Variants in ZNF385B observed in about 807,000 individuals in gnomAD.
The protein encoded by ZNF385B is zinc finger protein 385B.
ZNF385B carries 23 observed loss-of-function variants against 39.2 expected under a neutral mutation model. The ratio of observed to expected loss-of-function variants is 0.59; its 90% CI spans 0.42 to 0.83. The LOEUF (loss-of-function observed/expected upper bound fraction) is 0.83, where lower values mean the gene tolerates loss of function less well. Ranked by LOEUF, ZNF385B falls within the 40% of genes least tolerant of loss-of-function variation. The pLI is 0.00. For synonymous variants in ZNF385B, 205 were observed against 222.6 expected, an observed-to-expected ratio of 0.92 and a Z score of 0.70; for missense variants, 552 against 598.9, an observed-to-expected ratio of 0.92 and a Z score of 0.82.
chr2:179,502,381 A>T (rs1307811967), intron 5 of ZNF385B, among the ~76,000 whole-genome samples: 1 of 152,180 alleles, frequency 6.6e-6, no homozygotes, highest in East Asian at 1.9e-4. Flanking sequence ...CCCCACACAA[A>T]TCTCATGTTG....
intron 3 of ZNF385B, among the ~76,000 whole-genome samples, chr2:179,560,660 A>G (rs1182396169): frequency 6.6e-6 from 1 of 151,752 alleles, no homozygotes; most frequent in Non-Finnish European, 1.5e-5. Context: ...TCTCTCCTGT[A>G]TGTAGCATCT....
chr2:179,539,314 T>A (rs960760011), intron 4 of ZNF385B, among the ~76,000 whole-genome samples: 1 of 152,154 alleles, frequency 6.6e-6, no homozygotes, highest in Non-Finnish European at 1.5e-5. Context: ...CCCACCCTCA[T>A]GACCTCAACT....
chr2:179,516,888 A>G (rs1401981405), intron 5 of ZNF385B, among the ~76,000 whole-genome samples: 5 of 152,104 alleles, frequency 3.3e-5, no homozygotes, highest in South Asian at 2.1e-4. Flanking sequence ...TTTTTATTTT[A>G]TGAATGATCC....
At chr2:179,825,880 T>A (rs1175092402) in intron 1 of ZNF385B, among the ~76,000 whole-genome samples, 1 of 152,128 alleles carries the variant, frequency 6.6e-6, no homozygotes, top group Non-Finnish European at 1.5e-5. Context: ...CCAACTTTCT[T>A]CCCGTTTACC....
At chr2:179,635,923 G>A (rs1588847) in intron 3 of ZNF385B, among the ~76,000 whole-genome samples, 57,906 of 151,886 alleles carry the variant, frequency 0.38, 11,224 homozygotes, top group African/African-American at 0.46. Flanking sequence ...TATGGTTTGT[G>A]CCTTATCAGA....
intron 1 of ZNF385B, among the ~76,000 whole-genome samples, chr2:179,858,818 C>CAA (rs1274645768): frequency 1.3e-5 from 2 of 152,134 alleles, no homozygotes; most frequent in Non-Finnish European, 2.9e-5. Context: ...TTTATGTGAA[C>CAA]AAAGACTCAC....
In ZNF385B at chr2:179,770,582, T is replaced by A. The variant is rs1366857171; in HGVS notation, c.-64A>T. The A allele has an allele frequency of 6.6e-6, 1 of 152,234 alleles. No homozygotes were observed. 9.4% of individuals were successfully genotyped at this position (152,234 alleles called of 1,614,324 possible). On this transcript the variant is annotated 5_prime_UTR_variant, in exon 2 of 10. In the 5' UTR this introduces an upstream ATG that the reference lacks. Coordinates refer to ENST00000410066, the MANE Select transcript of ZNF385B (RefSeq NM_152520.6). ...CTGACAGGAATTTGGACATATTTTC[T>A]TATTCTTGTAGTGAAACAAACTGTT...
chr2:179,550,183 T>A lies in ZNF385B; in HGVS notation c.299-5214A>T, dbSNP rs557968321. The stretch of plus-strand genomic sequence containing the variant: ...AAGTCTAAAGTAAGGTATAGACTAA[T>A]TGTACTTAAAGCTGAATGATAAACA... On this transcript the variant is annotated intron_variant, in intron 3 of 9. Coordinates refer to ENST00000410066, the MANE Select transcript of ZNF385B (RefSeq NM_152520.6). 4.0e-5 allele frequency among the ~76,000 whole-genome samples: 6 copies of A among 149,748 alleles called. No individual in the cohort carries two copies. In the Middle Eastern group the frequency reaches 0.01, roughly 258 times the overall value.
intron 6 of ZNF385B, among the ~76,000 whole-genome samples, chr2:179,460,341 C>A (rs1324420221): frequency 2.6e-5 from 4 of 152,042 alleles, no homozygotes; most frequent in Admixed American, 6.6e-5. Flanking sequence ...GCCAAGCTAA[C>A]CATGGCAGGA....
intron 3 of ZNF385B, among the ~76,000 whole-genome samples, chr2:179,762,761 A>C (rs1327822468): frequency 6.6e-6 from 1 of 152,230 alleles, no homozygotes; most frequent in African/African-American, 2.4e-5. Context: ...CAACTGTATA[A>C]AATTGGTGTC....
intron 3 of ZNF385B, among the ~76,000 whole-genome samples, chr2:179,756,090 T>C (rs1702995334): frequency 6.6e-6 from 1 of 152,154 alleles, no homozygotes; most frequent in Admixed American, 6.5e-5. Flanking sequence ...GTCTTTACAA[T>C]TTGGCATGTT....
At chr2:179,836,484 A>C (rs1423841750) in intron 1 of ZNF385B, among the ~76,000 whole-genome samples, 1 of 151,124 alleles carries the variant, frequency 6.6e-6, no homozygotes, top group East Asian at 1.9e-4. Context: ...AACTATTTCA[A>C]GATATCTGAA....
chr2:179,708,509 G>A (rs564498686), intron 3 of ZNF385B, among the ~76,000 whole-genome samples: 2 of 152,354 alleles, frequency 1.3e-5, no homozygotes, highest in African/African-American at 4.8e-5. Context: ...AATAGCAATA[G>A]ATGGTTAGGG....
intron 6 of ZNF385B, among the ~76,000 whole-genome samples, chr2:179,462,463 T>G (rs1559266259): frequency 1.3e-5 from 2 of 152,288 alleles, no homozygotes; most frequent in East Asian, 3.9e-4. Flanking sequence ...ACTTAAGCCT[T>G]TGCCTTGTTC....
chr2:179,799,058 A>G (rs181910900), intron 1 of ZNF385B, among the ~76,000 whole-genome samples: 1 of 152,184 alleles, frequency 6.6e-6, no homozygotes, highest in East Asian at 1.9e-4. Flanking sequence ...GTGATTGGTA[A>G]GAGTAGTACA....
chr2:179,601,265 G>A (rs185541429), intron 3 of ZNF385B, among the ~76,000 whole-genome samples: 95 of 152,238 alleles, frequency 6.2e-4, no homozygotes, highest in African/African-American at 1.9e-3. Context: ...AGGAGTAAGC[G>A]TTTTGGGCTG....
chr2:179,850,877 C>A lies in ZNF385B; in HGVS notation c.-155+10224G>T, dbSNP rs1684084783. On this transcript the variant is annotated intron_variant, in intron 1 of 9. Coordinates refer to ENST00000410066, the MANE Select transcript of ZNF385B (RefSeq NM_152520.6). ...GCCCTGCAGACTCTTAAAAATCCAT[C>A]CCATGGAGGGATCCTCAAATTACCA... Among the ~76,000 whole-genome samples, 3 of 152,160 alleles carry A rather than the reference C, an allele frequency of 2.0e-5. No individual in the cohort carries two copies. The South Asian group carries it at 6.2e-4, about 32-fold the overall frequency.
At chr2:179,533,546 G>T (rs182163753) in intron 4 of ZNF385B, among the ~76,000 whole-genome samples, 1 of 152,064 alleles carries the variant, frequency 6.6e-6, no homozygotes, top group African/African-American at 2.4e-5. Context: ...GCCATGCTCG[G>T]AGCACAGGTT....
rs1310898872 is a variant in ZNF385B, at chr2:179,556,062, C to T, written c.299-11093G>A. Reference sequence around the variant, plus strand: ...TTTTGTAGTAATACACCAGCTTTTACACAAAACGATGAATCTTTCACCGAG... The same window carrying T: ...TTTTGTAGTAATACACCAGCTTTTATACAAAACGATGAATCTTTCACCGAG... On this transcript the variant is annotated intron_variant, in intron 3 of 9. Transcript: ENST00000410066. 1.3e-5 allele frequency among the ~76,000 whole-genome samples: 2 copies of T among 148,818 alleles called. 1 individual carries two copies. Among genetic ancestry groups the T allele is most frequent in the South Asian group, 4.4e-4 (2 of 4,574 alleles).
Sources: gnomAD v4.1 joint callset for allele counts (sites outside exome capture counted in the v4.1 genomes callset) on GRCh38, gnomAD v4.1.1 for gene constraint, MANE v1.5 for transcripts, NCBI Gene and HGNC (gene_info 2026-07-23, HGNC 2026-07-21) for gene names.